Variants in FBF1 observed in about 807,000 individuals in gnomAD.
FBF1 encodes fas-binding factor 1.
In FBF1, 119 loss-of-function variants were observed where a neutral mutation model predicts 147.2. The observed-to-expected ratio is 0.81, with a 90% CI of 0.70 to 0.94. The LOEUF (loss-of-function observed/expected upper bound fraction) is 0.94, where lower values mean the gene tolerates loss of function less well. FBF1 is among the 40% of genes least tolerant of loss of function. FBF1 has a pLI of 0.00. For synonymous variants in FBF1, 601 were observed against 609.0 expected (o/e 0.99, Z 0.19); for missense variants, 1,449 against 1,500.8 (o/e 0.97, Z 0.57).
intron 1 of FBF1, among the ~76,000 whole-genome samples, chr17:75,938,589 C>T (rs929375625): frequency 2.0e-5 from 3 of 148,166 alleles, no homozygotes; most frequent in African/African-American, 7.5e-5. Flanking sequence ...AGACCGGGCG[C>T]GATGGCTCAT....
At chr17:75,937,516 G>GA (rs778298974) in intron 3 of FBF1, 50 bp downstream of exon 3, 3 of 1,604,866 alleles carry the variant, frequency 1.9e-6, no homozygotes, top group Non-Finnish European at 2.6e-6. Context: ...GACCAAAGGG[G>GA]AAAAAGATAT....
In FBF1 at chr17:75,915,090, C is replaced by T; in HGVS notation, c.2555G>A (p.Arg852His). 1 of 1,612,880 alleles carries T rather than the reference C, an allele frequency of 6.2e-7. No homozygotes were observed. Among genetic ancestry groups the T allele is most frequent in the Non-Finnish European group, 8.5e-7 (1 of 1,179,776 alleles). ...GACCTTCCTTTGCTCCTCTAGGGCG[C>T]GCTGCATGGACTCCGCCTTGGACTG... ...AEQSKAESMQ[R>H]ALEEQRKVTA... Residue 852 changes from arginine to histidine, a missense_variant, in exon 24 of 30, where the codon CGC (arginine) becomes CAC (histidine). Arg to His is a conservative substitution (Grantham distance 29). Transcript: ENST00000636174.
Position 75,910,830 on chromosome 17 carries a change from G to A in FBF1, c.3364-24C>T, listed in dbSNP as rs894345556. The A allele has an allele frequency of 3.8e-6, 6 of 1,586,660 alleles. No homozygotes were observed. The African/African-American group carries it at 4.0e-5, about 11-fold the overall frequency. The stretch of plus-strand genomic sequence containing the variant: ...TCCTGCAAGGCAGGTTTGGATGGGC[G>A]GTCACCTTCCCTGAGCTGAGAGGGA... On this transcript the variant is annotated intron_variant, in intron 29 of 29. Transcript: ENST00000636174. The surrounding 1 kb of genome is among the most constrained non-coding windows in gnomAD (Gnocchi z 4.1).
chr17:75,935,328 C>A (rs1174960537), intron 4 of FBF1, among the ~76,000 whole-genome samples: 1 of 152,054 alleles, frequency 6.6e-6, no homozygotes, highest in African/African-American at 2.4e-5. Flanking sequence ...CTATGCCCAG[C>A]TAATTTTTTT....
intron 17 of FBF1, 106 bp from the exon 18 acceptor site, chr17:75,920,535 C>T: frequency 8.0e-7 from 1 of 1,247,726 alleles, no homozygotes; most frequent in South Asian, 1.6e-5. Context: ...TGCATCTGAT[C>T]TGTGGCTGCA....
chr17:75,918,314 A>C lies in FBF1; in HGVS notation c.2139-45T>G. The C allele has an allele frequency of 6.6e-7, 1 of 1,518,402 alleles. No homozygotes were observed. The highest frequency in any genetic ancestry group is 9.1e-7 in the Non-Finnish European group (1 of 1,104,452). The allele number at this position is 1,518,402 out of a possible 1,614,324, so 94.1% of individuals were successfully genotyped here. On this transcript the variant is annotated intron_variant, in intron 20 of 29. Transcript: ENST00000636174. The surrounding 1 kb of genome is among the most constrained non-coding windows in gnomAD (Gnocchi z 5.8). The stretch of plus-strand genomic sequence containing the variant: ...GAAGGCGGTCACTCTGAGCTGGATC[A>C]CCCTGATGCGGTAACTCCTTGTGGA...
chr17:75,910,708 C>T lies in FBF1; in HGVS notation c.*15G>A, dbSNP rs776007932. On this transcript the variant is annotated 3_prime_UTR_variant, in exon 30 of 30. Transcript: ENST00000636174. The surrounding 1 kb of genome is among the most constrained non-coding windows in gnomAD (Gnocchi z 4.1). Reference sequence around the variant, plus strand: ...GGGTCCGAACCCTCTGTTGGGGAATCGGCTGGGGTCCCACTCAGGCTGAAT... The same window carrying T: ...GGGTCCGAACCCTCTGTTGGGGAATTGGCTGGGGTCCCACTCAGGCTGAAT... 1.4e-5 allele frequency: 22 copies of T among 1,599,618 alleles called. No homozygotes were observed. The highest frequency in any genetic ancestry group is 9.0e-5 in the East Asian group (4 of 44,430).
chr17:75,937,467 G>A (rs754948150), intron 3 of FBF1, 99 bp downstream of exon 3: 193 of 1,445,344 alleles, frequency 1.3e-4, no homozygotes, highest in Non-Finnish European at 1.7e-4. Flanking sequence ...ACCGTGCCCG[G>A]CCCAAAAACA....
chr17:75,935,397 G>T (rs1209382749), intron 4 of FBF1, among the ~76,000 whole-genome samples: 2 of 152,054 alleles, frequency 1.3e-5, no homozygotes, highest in African/African-American at 4.8e-5. Context: ...TTGAACTCCT[G>T]ACCTTGTGAT....
chr17:75,912,024 C>T (rs2065459298), intron 29 of FBF1, among the ~76,000 whole-genome samples, 168 bp downstream of exon 29: 1 of 152,202 alleles, frequency 6.6e-6, no homozygotes, highest in Non-Finnish European at 1.5e-5. Flanking sequence ...TGCACAGAAC[C>T]TGGCCTAGTG....
At chr17:75,912,554 T>C (rs2065462524) in intron 28 of FBF1, among the ~76,000 whole-genome samples, 1 of 152,224 alleles carries the variant, frequency 6.6e-6, no homozygotes, top group South Asian at 2.1e-4. Context: ...TGTAGGAAGA[T>C]GTCCACTGGG....
intron 7 of FBF1, 52 bp downstream of exon 7, chr17:75,929,945 A>AGGGGGCCCCCCCCC: frequency 6.1e-6 from 4 of 650,874 alleles, no homozygotes; most frequent in Admixed American, 2.7e-5. Context: ...AAATATCATG[A>AGGGGGCCCCCCCCC]CCCCACCCCA....
At chr17:75,912,417 A>AG in intron 28 of FBF1, 110 bp from the exon 29 acceptor site, 1 of 749,932 alleles carries the variant, frequency 1.3e-6, no homozygotes, top group Non-Finnish European at 2.1e-6. Flanking sequence ...GACCCTGGCC[A>AG]TATACTCAGG....
At chr17:75,934,215 A>G (rs2065610394) in intron 4 of FBF1, among the ~76,000 whole-genome samples, 1 of 152,256 alleles carries the variant, frequency 6.6e-6, no homozygotes, top group South Asian at 2.1e-4. Context: ...TAAAAAAGTT[A>G]AAGTACTGAT....
Position 75,918,297 on chromosome 17 carries a change from T to C in FBF1, c.2139-28A>G, listed in dbSNP as rs747808685. The C allele has an allele frequency of 6.3e-6, 10 of 1,592,136 alleles. No individual in the cohort carries two copies. In the East Asian group the frequency reaches 1.6e-4, roughly 25 times the overall value. Reference sequence around the variant, plus strand: ...GAGGGGAGGCGGGAGGGGAAGGCGGTCACTCTGAGCTGGATCACCCTGATG... The same window carrying C: ...GAGGGGAGGCGGGAGGGGAAGGCGGCCACTCTGAGCTGGATCACCCTGATG... On this transcript the variant is annotated intron_variant, in intron 20 of 29. Transcript: ENST00000636174. The surrounding 1 kb of genome is among the most constrained non-coding windows in gnomAD (Gnocchi z 5.8).
chr17:75,920,202 C>A, intron 18 of FBF1, 72 bp downstream of exon 18: 1 of 1,590,100 alleles, frequency 6.3e-7, no homozygotes, highest in South Asian at 1.1e-5. Context: ...CCTGGGGAAG[C>A]TTCCAGCCAC....
rs200579513 is a variant in FBF1, at chr17:75,923,429, G to A, written c.1181C>T (p.Ala394Val). 13 of 1,607,840 alleles carry A rather than the reference G, an allele frequency of 8.1e-6. No homozygotes were observed. Among genetic ancestry groups the A allele is most frequent in the Middle Eastern group, 3.3e-4 (2 of 6,058 alleles). Residue 394 changes from alanine (A) to valine (V), a missense_variant, in exon 14 of 30, where the codon GCG (alanine) becomes GTG (valine). Physicochemically the swap from Ala to Val is moderately conservative, Grantham distance 64. Coordinates refer to ENST00000636174, the MANE Select transcript of FBF1 (RefSeq NM_001319193.2). The surrounding 1 kb of genome is among the most constrained non-coding windows in gnomAD (Gnocchi z 4.1). ...CCCAGCTGGCGTGGAGTGCTGGCTC[G>A]CAGGAGGAGGCACTGAGGGCGTGAC... ...VPVTPSVPPP[A>V]SQHSTPAGLP...
chr17:75,926,901 G>A, intron 9 of FBF1, 24 bp from the exon 10 acceptor site: 1 of 1,599,236 alleles, frequency 6.3e-7, no homozygotes, highest in Non-Finnish European at 8.5e-7. Context: ...GGAAAGCACA[G>A]GTCAGACTGC....
intron 3 of FBF1, 76 bp from the exon 4 acceptor site, chr17:75,935,749 C>T (rs370618056): frequency 1.4e-5 from 19 of 1,388,628 alleles, no homozygotes; most frequent in East Asian, 5.1e-5. Flanking sequence ...GCTTGAGACT[C>T]GCCAGAAGGC....
Sources: allele counts gnomAD v4.1 joint callset (sites outside exome capture counted in the v4.1 genomes callset), GRCh38; gene constraint gnomAD v4.1.1; non-coding constraint Gnocchi (gnomAD v3.1); transcripts MANE v1.5; gene names NCBI Gene and HGNC (gene_info 2026-07-23, HGNC 2026-07-21).